NAALADL2: variants seen among roughly 807,000 people sequenced by gnomAD.
NAALADL2 encodes inactive N-acetylated-alpha-linked acidic dipeptidase-like protein 2.
Under a neutral mutation model 87.2 loss-of-function variants are expected in NAALADL2, and 76 were observed. The observed-to-expected ratio is 0.87, with a 90% confidence interval of 0.72 to 1.05. The LOEUF is 1.05. NAALADL2 is among the 50% of genes least tolerant of loss of function. The pLI is 0.00. For missense variants in NAALADL2, 1,089 were observed against 945.8 expected (o/e 1.15, Z -1.99); for synonymous variants, 354 against 331.0 (o/e 1.07, Z -0.75).
At chr3:175,070,302 A>T (rs1715386586) in intron 1 of NAALADL2, among the ~76,000 whole-genome samples, 1 of 148,934 alleles carries the variant, frequency 6.7e-6, no homozygotes, top group Admixed American at 6.9e-5. Flanking sequence ...TTAGGATTCG[A>T]ACATAGAATT....
At chr3:175,242,864 T>G (rs1324397950) in intron 3 of NAALADL2, among the ~76,000 whole-genome samples, 1 of 152,194 alleles carries the variant, frequency 6.6e-6, no homozygotes, top group Non-Finnish European at 1.5e-5. Flanking sequence ...CTATAAAAAC[T>G]AACAAATTAT....
chr3:175,783,364 T>G (rs1431662446), intron 13 of NAALADL2, among the ~76,000 whole-genome samples: 2 of 151,532 alleles, frequency 1.3e-5, no homozygotes, highest in East Asian at 3.9e-4. Context: ...CATTTGTTTG[T>G]ATCCTCTTTT....
chr3:175,710,035 A>AT (rs989507661), intron 11 of NAALADL2, among the ~76,000 whole-genome samples: 72 of 151,964 alleles, frequency 4.7e-4, no homozygotes, highest in African/African-American at 1.5e-3. Flanking sequence ...GTTTTCTTGT[A>AT]TTTTTTTTAA....
At chr3:174,832,063 C>T (rs1446290922) in intron 3 of NAALADL2, among the ~76,000 whole-genome samples, 1 of 152,086 alleles carries the variant, frequency 6.6e-6, no homozygotes, top group African/African-American at 2.4e-5. Flanking sequence ...AAACCAGCTC[C>T]TGGGTTCATT....
intron 5 of NAALADL2, among the ~76,000 whole-genome samples, chr3:175,333,415 C>T (rs1761633015): frequency 6.6e-6 from 1 of 152,010 alleles, no homozygotes; most frequent in Non-Finnish European, 1.5e-5. Flanking sequence ...TGGCTGTAAG[C>T]AAGATAGCTT....
chr3:174,454,694 C>G (rs1715708995), intron 1 of NAALADL2, among the ~76,000 whole-genome samples: 1 of 151,978 alleles, frequency 6.6e-6, no homozygotes, highest in Non-Finnish European at 1.5e-5. Context: ...CTAATGAGAA[C>G]AAAGATACAT....
intron 1 of NAALADL2, among the ~76,000 whole-genome samples, chr3:175,029,234 A>G (rs971072731): frequency 2.0e-5 from 3 of 152,072 alleles, no homozygotes; most frequent in African/African-American, 7.2e-5. Context: ...TTCCTGAACC[A>G]GACCATGGCT....
At chr3:175,636,804 C>G (rs1008089336) in intron 11 of NAALADL2, among the ~76,000 whole-genome samples, 1 of 151,758 alleles carries the variant, frequency 6.6e-6, no homozygotes, top group Non-Finnish European at 1.5e-5. Flanking sequence ...TTAGCTGATA[C>G]GCAACTGATT....
chr3:175,208,824 C>T (rs569692847), intron 2 of NAALADL2, among the ~76,000 whole-genome samples: 207 of 152,224 alleles, frequency 1.4e-3, no homozygotes, highest in African/African-American at 4.8e-3. Flanking sequence ...AACCATGAAT[C>T]GTTTTTGCAT....
chr3:175,367,459 A>G (rs1232692092), intron 5 of NAALADL2, among the ~76,000 whole-genome samples: 3 of 152,060 alleles, frequency 2.0e-5, no homozygotes, highest in Admixed American at 2.0e-4. Flanking sequence ...CAATACGGCC[A>G]TTTTCACGAT....
intron 11 of NAALADL2, among the ~76,000 whole-genome samples, chr3:175,665,063 C>T (rs1732766960): frequency 6.6e-6 from 1 of 152,078 alleles, no homozygotes; most frequent in African/African-American, 2.4e-5. Context: ...GAGTAATTTG[C>T]CCAAAGATCA....
chr3:175,218,099 A>G, intron 2 of NAALADL2: 1 of 443,856 alleles, frequency 2.3e-6, no homozygotes, highest in Admixed American at 2.4e-5. Flanking sequence ...ACACTGGATG[A>G]ATGGTGTGGC....
intron 4 of NAALADL2, 81 bp downstream of exon 4, chr3:175,256,611 G>A: frequency 7.2e-7 from 1 of 1,393,968 alleles, no homozygotes; most frequent in Non-Finnish European, 9.8e-7. Flanking sequence ...TGTGAGTGTG[G>A]AGTGTGTGTG....
At chr3:175,490,930 T>C (rs1582108435) in intron 9 of NAALADL2, among the ~76,000 whole-genome samples, 1 of 152,150 alleles carries the variant, frequency 6.6e-6, no homozygotes, top group Admixed American at 6.5e-5. Flanking sequence ...TACGAGATTT[T>C]AGAAAATTTT....
chr3:175,122,119 T>C (rs1726249286), intron 2 of NAALADL2, among the ~76,000 whole-genome samples: 1 of 151,826 alleles, frequency 6.6e-6, no homozygotes, highest in Admixed American at 6.6e-5. Context: ...TGAATCCCAC[T>C]TTTACAAAGG....
At chr3:174,555,778 T>A (rs571516744) in intron 2 of NAALADL2, among the ~76,000 whole-genome samples, 1 of 152,276 alleles carries the variant, frequency 6.6e-6, no homozygotes, top group East Asian at 1.9e-4. Context: ...AGAATGAGGA[T>A]CTTACTACCT....
intron 5 of NAALADL2, among the ~76,000 whole-genome samples, chr3:175,327,712 A>G (rs183059546): frequency 2.9e-4 from 41 of 142,218 alleles, no homozygotes; most frequent in Admixed American, 7.0e-4. Context: ...TGGGAAGATA[A>G]ATAAATGGGG....
At chr3:174,553,178 A>T (rs2108495163) in intron 2 of NAALADL2, among the ~76,000 whole-genome samples, 1 of 152,306 alleles carries the variant, frequency 6.6e-6, no homozygotes, top group South Asian at 2.1e-4. Context: ...AGCAAGACAA[A>T]TTCCTTGCTT....
chr3:175,217,516 T>C (rs1468658244), intron 2 of NAALADL2, among the ~76,000 whole-genome samples: 2 of 152,212 alleles, frequency 1.3e-5, no homozygotes, highest in African/African-American at 2.4e-5. Flanking sequence ...TTAAAGACTC[T>C]AAAAATAGTC....
Sources: gnomAD v4.1 joint callset for allele counts (sites outside exome capture counted in the v4.1 genomes callset) on GRCh38, gnomAD v4.1.1 for gene constraint, MANE v1.5 for transcripts, NCBI Gene and HGNC (gene_info 2026-07-23, HGNC 2026-07-21) for gene names.